Variants in PRKN observed in about 807,000 individuals in gnomAD.
PRKN encodes the protein parkin RBR E3 ubiquitin protein ligase, also known as E3 ubiquitin-protein ligase parkin.
In PRKN, 56 loss-of-function variants were observed where a neutral mutation model predicts 59.5. The ratio of observed to expected loss-of-function variants is 0.94; its 90% CI spans 0.76 to 1.18. The LOEUF is 1.18. Ranked by LOEUF, PRKN falls within the 50% of genes most tolerant of loss-of-function variation. PRKN has a pLI of 0.00. For synonymous variants in PRKN, 250 were observed against 222.1 expected (o/e 1.13, Z -1.12); for missense variants, 657 against 596.4 (o/e 1.10, Z -1.06).
rs1253666724 is a variant in PRKN at position 161,371,153 on chromosome 6, T to C, written c.1168-10948A>G. Among the ~76,000 whole-genome samples the C allele has an allele frequency of 6.7e-6, 1 of 149,774 alleles. No homozygotes were observed. Among genetic ancestry groups the C allele is most frequent in the East Asian group, 1.9e-4 (1 of 5,172 alleles). Reference sequence around the variant, plus strand: ...TGGAGAATATGTATATATGTATATATTTAAATGTATTTTGTTATTTTTTTT... The same window carrying C: ...TGGAGAATATGTATATATGTATATACTTAAATGTATTTTGTTATTTTTTTT... On this transcript the variant is annotated intron_variant, in intron 10 of 11. Coordinates refer to ENST00000366898, the MANE Select transcript of PRKN (RefSeq NM_004562.3). This position sits in a 1 kb window ranked among gnomAD's most constrained non-coding sequence, Gnocchi z 5.5.
intron 1 of PRKN, among the ~76,000 whole-genome samples, chr6:162,532,353 T>G (rs1778549279): frequency 6.6e-6 from 1 of 152,268 alleles, no homozygotes; most frequent in African/African-American, 2.4e-5. Context: ...CACGGAGACG[T>G]GAGCACACAT....
chr6:162,260,056 T>A (rs7743065), intron 3 of PRKN, among the ~76,000 whole-genome samples: 74,326 of 152,026 alleles, frequency 0.49, 21,380 homozygotes, highest in East Asian at 0.8. Context: ...ATGCAACATA[T>A]CTTTACAGAG....
At chr6:161,708,491 T>A (rs181863653) in intron 7 of PRKN, among the ~76,000 whole-genome samples, 4 of 149,484 alleles carry the variant, frequency 2.7e-5, no homozygotes, top group Non-Finnish European at 4.4e-5. Context: ...AGAAACATTA[T>A]AGAAAATTGG....
intron 6 of PRKN, among the ~76,000 whole-genome samples, chr6:161,821,719 C>CTTTTTTTTTTTTTTTTTTTTTTTTT (rs531807176): frequency 3.1e-5 from 2 of 64,672 alleles, no homozygotes; most frequent in Non-Finnish European, 5.7e-5. Flanking sequence ...CACTGGTGTT[C>CTTTTTTTTTTTTTTTTTTTTTTTTT]TTTTTTTTTT....
intron 2 of PRKN, among the ~76,000 whole-genome samples, chr6:162,283,674 T>A (rs1781031557): frequency 6.6e-6 from 1 of 152,156 alleles, no homozygotes; most frequent in Admixed American, 6.5e-5. Flanking sequence ...GTATGCGCTA[T>A]CACACCCAGC....
chr6:161,949,047 C>T (rs888986646), intron 6 of PRKN, among the ~76,000 whole-genome samples: 3 of 152,174 alleles, frequency 2.0e-5, no homozygotes, highest in African/African-American at 7.2e-5. Context: ...GCAGGGAAGC[C>T]TGATCAACAC....
intron 7 of PRKN, among the ~76,000 whole-genome samples, chr6:161,723,690 T>C (rs1787321518): frequency 6.6e-6 from 1 of 152,144 alleles, no homozygotes; most frequent in Non-Finnish European, 1.5e-5. Context: ...GGGCCACTAG[T>C]CACCTTGGAA....
chr6:162,464,930 T>C (rs917020782), intron 1 of PRKN, among the ~76,000 whole-genome samples: 2 of 152,080 alleles, frequency 1.3e-5, no homozygotes, highest in African/African-American at 2.4e-5. Flanking sequence ...TTAATGCATT[T>C]GCTCCTCCAC....
chr6:161,756,072 CA>C (rs1465773460), intron 7 of PRKN, among the ~76,000 whole-genome samples: 3 of 151,756 alleles, frequency 2.0e-5, no homozygotes, highest in African/African-American at 7.3e-5. Flanking sequence ...AAAGGCAAAG[CA>C]GCAAAAAAAA....
intron 6 of PRKN, among the ~76,000 whole-genome samples, chr6:161,801,471 A>G (rs912865480): frequency 1.3e-5 from 2 of 152,224 alleles, no homozygotes; most frequent in African/African-American, 4.8e-5. Context: ...CCCCAAGGAA[A>G]TGCTGAGATT....
intron 2 of PRKN, among the ~76,000 whole-genome samples, chr6:162,298,210 C>T (rs995050442): frequency 3.9e-5 from 6 of 151,976 alleles, no homozygotes; most frequent in Admixed American, 6.6e-5. Context: ...ACTGGGGCTT[C>T]CCTCCATCCT....
At chr6:162,193,495 C>A (rs547623287) in intron 4 of PRKN, among the ~76,000 whole-genome samples, 2 of 152,282 alleles carry the variant, frequency 1.3e-5, no homozygotes, top group East Asian at 3.9e-4. Flanking sequence ...CTATCCCCTC[C>A]ATCCTCTTCT....
chr6:161,556,909 C>T (rs1349833305), intron 8 of PRKN, among the ~76,000 whole-genome samples: 1 of 152,054 alleles, frequency 6.6e-6, no homozygotes, highest in Non-Finnish European at 1.5e-5. Flanking sequence ...CTAATATTTA[C>T]ATGTCAAACT....
chr6:161,392,532 G>A (rs1016481553), intron 9 of PRKN, among the ~76,000 whole-genome samples: 12 of 118,082 alleles, frequency 1.0e-4, no homozygotes, highest in Admixed American at 3.3e-4. Context: ...TCTCTCTCTC[G>A]CTATATATAT....
At chr6:162,316,080 G>A (rs78975229) in intron 2 of PRKN, among the ~76,000 whole-genome samples, 3,443 of 152,118 alleles carry the variant, frequency 0.023, 57 homozygotes, top group Middle Eastern at 0.048. Context: ...TGATGTCCTG[G>A]TGATAGAAGT....
rs189420381 is a variant in PRKN, at chr6:161,417,781, T to C, written c.1084-30904A>G. 1.7e-3 allele frequency among the ~76,000 whole-genome samples: 263 copies of C among 152,252 alleles called. 2 individuals are homozygous for C. Among genetic ancestry groups the C allele is most frequent in the African/African-American group, 5.8e-3 (241 of 41,542 alleles). ...AACCTCTAGACCTAGAGAACCAAAT[T>C]AGATGAAAATACCAGCTTTTGTAAA... is the stretch of plus-strand genomic sequence containing the variant. On this transcript the variant is annotated intron_variant, in intron 9 of 11. Transcript: ENST00000366898. This position sits in a 1 kb window ranked among gnomAD's most constrained non-coding sequence, Gnocchi z 5.4.
chr6:162,097,205 C>T (rs529394866), intron 4 of PRKN, among the ~76,000 whole-genome samples: 12 of 152,146 alleles, frequency 7.9e-5, no homozygotes, highest in South Asian at 6.2e-4. Flanking sequence ...GAAAAGAGCA[C>T]GTATAGTATG....
Position 161,349,726 on chromosome 6 carries a change from C to A in PRKN, c.*373G>T. On this transcript the variant is annotated 3_prime_UTR_variant, in exon 12 of 12. Transcript: ENST00000366898. The surrounding 1 kb of genome is among the most constrained non-coding windows in gnomAD (Gnocchi z 5.5). ...CTCCAGCTACTGATTCTGCCTGTCT[C>A]GAATTCAGGTGAGAATGACCCATAC... 1 of 374,204 alleles carries A rather than the reference C, an allele frequency of 2.7e-6. No individual in the cohort carries two copies. The highest frequency in any genetic ancestry group is 5.0e-6 in the Non-Finnish European group (1 of 201,738). 23.2% of individuals were successfully genotyped at this position (374,204 alleles called of 1,614,324 possible). A position where few individuals can be genotyped will look rare whatever the true frequency, so the allele number is the denominator to read the frequency against.
At chr6:161,954,873 C>T (rs1173977094) in intron 6 of PRKN, among the ~76,000 whole-genome samples, 2 of 152,196 alleles carry the variant, frequency 1.3e-5, no homozygotes, top group Non-Finnish European at 2.9e-5. Context: ...GCATGTTTTC[C>T]AGTATTGGCT....
Sources: allele counts gnomAD v4.1 joint callset (sites outside exome capture counted in the v4.1 genomes callset), GRCh38; gene constraint gnomAD v4.1.1; non-coding constraint Gnocchi (gnomAD v3.1); transcripts MANE v1.5; gene names NCBI Gene and HGNC (gene_info 2026-07-23, HGNC 2026-07-21).